The following SPINT1 variants were observed in gnomAD, a reference collection of about 807,000 sequenced individuals.
The protein encoded by SPINT1 is kunitz-type protease inhibitor 1.
SPINT1 carries 38 observed loss-of-function variants against 53.7 expected under a neutral mutation model. That is an observed-to-expected ratio of 0.71 (90% CI 0.55 to 0.93). The LOEUF (loss-of-function observed/expected upper bound fraction) is 0.93, where lower values mean the gene tolerates loss of function less well. Ranked by LOEUF, SPINT1 falls within the 40% of genes least tolerant of loss-of-function variation. The pLI, the probability that SPINT1 is intolerant of heterozygous loss-of-function variation, is 0.00. For missense variants in SPINT1, 645 were observed against 692.9 expected (o/e 0.93, Z 0.78); for synonymous variants, 283 against 280.6 (o/e 1.01, Z -0.08).
chr15:40,850,838 C>G (rs1394222219), intron 2 of SPINT1, among the ~76,000 whole-genome samples: 1 of 152,220 alleles, frequency 6.6e-6, no homozygotes, highest in African/African-American at 2.4e-5. Flanking sequence ...GGGAAAATAG[C>G]TGCTGCTCAG....
At chr15:40,855,385 C>CAAT (rs1029290505) in intron 8 of SPINT1, among the ~76,000 whole-genome samples, 12 of 151,456 alleles carry the variant, frequency 7.9e-5, no homozygotes, top group African/African-American at 2.9e-4. Flanking sequence ...TGTCTCAAAA[C>CAAT]AATAATAATA....
At chr15:40,847,517 A>C in intron 2 of SPINT1, among the ~76,000 whole-genome samples, 1 of 152,068 alleles carries the variant, frequency 6.6e-6, no homozygotes. Context: ...AGCAGCTTGC[A>C]CTTCCTCTTC....
chr15:40,854,773 G>C, intron 8 of SPINT1, 84 bp downstream of exon 8: 1 of 1,547,432 alleles, frequency 6.5e-7, no homozygotes, highest in East Asian at 2.2e-5. Flanking sequence ...TGCCTGAGGG[G>C]CCTGCTGGGT....
intron 10 of SPINT1, 78 bp downstream of exon 10, chr15:40,856,401 C>T (rs376232831): frequency 6.4e-7 from 1 of 1,570,714 alleles, no homozygotes; most frequent in Admixed American, 1.7e-5. Flanking sequence ...GTTGTGACAG[C>T]CTAACCTGTG....
Position 40,844,388 on chromosome 15 carries a change from G to T in SPINT1, c.-65-102G>T. ...GCCCTCTTCGATCCTGGGGTGCTCCGGTCCCTCCTCCCCGCCACTTCCTCC... is the reference window on the plus strand; with the variant it reads ...GCCCTCTTCGATCCTGGGGTGCTCCTGTCCCTCCTCCCCGCCACTTCCTCC... On this transcript the variant is annotated intron_variant, in intron 1 of 10. Coordinates refer to ENST00000562057, the MANE Select transcript of SPINT1 (RefSeq NM_003710.4). This position sits in a 1 kb window ranked among gnomAD's most constrained non-coding sequence, Gnocchi z 5.8. 1 of 769,082 alleles carries T rather than the reference G, an allele frequency of 1.3e-6. No individual in the cohort carries two copies. The highest frequency in any genetic ancestry group is 2.2e-6 in the Non-Finnish European group (1 of 449,888). 47.6% of individuals were successfully genotyped at this position (769,082 alleles called of 1,614,324 possible). A position where few individuals can be genotyped will look rare whatever the true frequency, so the allele number is the denominator to read the frequency against.
intron 3 of SPINT1, 89 bp from the exon 4 acceptor site, chr15:40,853,400 C>T (rs1040695325): frequency 6.2e-6 from 10 of 1,608,958 alleles, no homozygotes; most frequent in Non-Finnish European, 8.5e-6. Context: ...CCTGGCCTCC[C>T]CAGGGGTGTG....
At position 40,854,485 on chromosome 15, in the gene SPINT1, C is replaced by G; in HGVS notation, c.1029C>G (p.Asn343Lys). The change falls in exon 7 of 11, where the codon AAC becomes AAG. Residue 343 changes from asparagine (N) to lysine (K), a missense_variant. Physicochemically the swap from Asn to Lys is moderately conservative, Grantham distance 94. Transcript: ENST00000562057. ...DSFLECDDTP[N>K]CPDASDEAAC... is the part of the protein sequence containing the mutation. The stretch of plus-strand genomic sequence containing the variant: ...TCCTGGAGTGTGACGACACCCCCAA[C>G]TGCCCCGACGCCTCCGACGAGGCTG... The G allele has an allele frequency of 6.2e-7, 1 of 1,613,570 alleles. No homozygotes were observed. Among genetic ancestry groups the G allele is most frequent in the Non-Finnish European group, 8.5e-7 (1 of 1,179,908 alleles).
Position 40,857,059 on chromosome 15 carries a change from A to T in SPINT1, c.*84A>T, listed in dbSNP as rs1891669336. On this transcript the variant is annotated 3_prime_UTR_variant, in exon 11 of 11. Transcript: ENST00000562057. ...GGGCTGGGAAAAACTTTGGAACCAGACTCTTGCCTGTTTCCCAGGCCCACT... is the reference window on the plus strand; with the variant it reads ...GGGCTGGGAAAAACTTTGGAACCAGTCTCTTGCCTGTTTCCCAGGCCCACT... The T allele has an allele frequency of 3.3e-6, 5 of 1,533,378 alleles. 1 individual carries two copies. Among genetic ancestry groups the T allele is most frequent in the Middle Eastern group, 2.1e-4 (1 of 4,718 alleles). 95.0% of individuals were successfully genotyped at this position (1,533,378 alleles called of 1,614,324 possible). A position where few individuals can be genotyped will look rare whatever the true frequency, so the allele number is the denominator to read the frequency against.
chr15:40,850,361 G>T (rs114306054), intron 2 of SPINT1, among the ~76,000 whole-genome samples: 1 of 152,130 alleles, frequency 6.6e-6, no homozygotes, highest in Non-Finnish European at 1.5e-5. Context: ...GTGAGCCACC[G>T]CACCCGGCTG....
Position 40,857,099 on chromosome 15 carries a change from A to T in SPINT1, c.*124A>T, listed in dbSNP as rs1415712430. 1 of 1,277,712 alleles carries T rather than the reference A, an allele frequency of 7.8e-7. No individual in the cohort carries two copies. Among genetic ancestry groups the T allele is most frequent in the Non-Finnish European group, 1.1e-6 (1 of 935,326 alleles). 79.1% of individuals were successfully genotyped at this position (1,277,712 alleles called of 1,614,324 possible). On this transcript the variant is annotated 3_prime_UTR_variant, in exon 11 of 11. Transcript: ENST00000562057. ...CCAGGCCCACTGTGCCTCAGAGACC[A>T]GGGCTCCAGCCCCTCTTGGAGAAGT...
chr15:40,853,559 C>T lies in SPINT1; in HGVS notation c.674C>T (p.Thr225Ile). ...EGTYLFQLTV[T>I]SSDHPEDTAN... ...ACCTACCTGTTCCAGCTGACAGTGACTAGCTCAGACCACCCAGAGGACACG... is the reference window on the plus strand; with the variant it reads ...ACCTACCTGTTCCAGCTGACAGTGATTAGCTCAGACCACCCAGAGGACACG... Residue 225 changes from threonine (T) to isoleucine (I), a missense_variant, in exon 4 of 11, where the codon ACT (threonine) becomes ATT (isoleucine). Transcript: ENST00000562057. 1 of 1,614,106 alleles carries T rather than the reference C, an allele frequency of 6.2e-7. No homozygotes were observed. Among genetic ancestry groups the T allele is most frequent in the South Asian group, 1.1e-5 (1 of 91,082 alleles).
intron 6 of SPINT1, 112 bp downstream of exon 6, chr15:40,854,198 T>G: frequency 7.2e-7 from 1 of 1,394,684 alleles, no homozygotes; most frequent in South Asian, 1.4e-5. Flanking sequence ...CCTCAGAGTT[T>G]GTGGAAGGAC....
chr15:40,845,864 G>T (rs959327243), intron 2 of SPINT1, among the ~76,000 whole-genome samples: 2 of 152,212 alleles, frequency 1.3e-5, no homozygotes, highest in African/African-American at 4.8e-5. Context: ...GGCTGGACTT[G>T]GGACTGCTTA....
rs1891555868 is a variant in SPINT1, at chr15:40,854,144, C to T, written c.940+58C>T. ...CCACCACATCTCTAGCCCATATCAT[C>T]CCTATGCCCCTAAGCAGCCTGCCTT... On this transcript the variant is annotated intron_variant, in intron 6 of 10. Coordinates refer to ENST00000562057, the MANE Select transcript of SPINT1 (RefSeq NM_003710.4). 3 of 1,498,942 alleles carry T rather than the reference C, an allele frequency of 2.0e-6. No individual in the cohort carries two copies. The Admixed American group carries it at 6.8e-5, about 34-fold the overall frequency. The allele number at this position is 1,498,942 out of a possible 1,614,324, so 92.9% of individuals were successfully genotyped here. A position where few individuals can be genotyped will look rare whatever the true frequency, so the allele number is the denominator to read the frequency against.
chr15:40,846,752 T>C lies in SPINT1; in HGVS notation c.475+1723T>C, dbSNP rs76849037. On this transcript the variant is annotated intron_variant, in intron 2 of 10. Coordinates refer to ENST00000562057, the MANE Select transcript of SPINT1 (RefSeq NM_003710.4). ...CAGACTTTTCCTGGGCTAGTCTCTC[T>C]GCCAGGCTAAGGAGGGTCCTCTTTC... Among the ~76,000 whole-genome samples, 876 of 152,278 alleles carry C rather than the reference T, an allele frequency of 5.8e-3. 19 individuals are homozygous for C. The highest frequency in any genetic ancestry group is 0.02 in the African/African-American group (840 of 41,556).
chr15:40,853,869 C>T lies in SPINT1; in HGVS notation c.901C>T (p.Arg301Trp), dbSNP rs773349518. The T allele has an allele frequency of 1.7e-5, 28 of 1,614,036 alleles. No homozygotes were observed. The highest frequency in any genetic ancestry group is 4.4e-5 in the South Asian group (4 of 91,074). The change falls in exon 5 of 11, where the codon CGG (arginine) becomes TGG (tryptophan). Residue 301 changes from arginine to tryptophan, a missense_variant. By Grantham distance (101) the Arg-to-Trp change is moderately radical. Coordinates refer to ENST00000562057, the MANE Select transcript of SPINT1 (RefSeq NM_003710.4). ...LREEECILAC[R>W]GVQGPSMERR... ...GGAAGAAGAGTGCATTCTAGCCTGT[C>T]GGGGTGTGCAAGGTGGGCCTTTGAG...
rs570806857 is a variant in SPINT1 at position 40,853,722 on chromosome 15, G to A, written c.754G>A (p.Ala252Thr). 3.0e-5 allele frequency: 49 copies of A among 1,614,068 alleles called. 1 individual carries two copies. In the South Asian group the frequency reaches 3.4e-4, roughly 11 times the overall value. The change falls in exon 5 of 11, where the codon GCA (alanine) becomes ACA (threonine). Residue 252 changes from alanine (A) to threonine (T), a missense_variant. Coordinates refer to ENST00000562057, the MANE Select transcript of SPINT1 (RefSeq NM_003710.4). Reference protein sequence around the residue: ...STKQTEDYCLASNKVGRCRGS... With the variant: ...STKQTEDYCLTSNKVGRCRGS... ...GCTCTCCCCCCTAGACTACTGCCTCGCATCCAACAAGGTGGGTCGCTGCCG... is the reference window on the plus strand; with the variant it reads ...GCTCTCCCCCCTAGACTACTGCCTCACATCCAACAAGGTGGGTCGCTGCCG...
intron 3 of SPINT1, 49 bp downstream of exon 3, chr15:40,853,300 T>C (rs758358779): frequency 1.2e-6 from 2 of 1,612,154 alleles, no homozygotes. Flanking sequence ...GCCAGCCTTC[T>C]TGGAGCCCCT....
chr15:40,854,697 C>A lies in SPINT1; in HGVS notation c.1117+8C>A. 6.2e-7 allele frequency: 1 copy of A among 1,614,040 alleles called. No homozygotes were observed. Among genetic ancestry groups the A allele is most frequent in the East Asian group, 2.2e-5 (1 of 44,880 alleles). ...ATTTCCCCAGTGACAAAGGTGAGATCCTCCCCAGGTGCCCTGGATCAGGGC... is the reference window on the plus strand; with the variant it reads ...ATTTCCCCAGTGACAAAGGTGAGATACTCCCCAGGTGCCCTGGATCAGGGC... On this transcript the variant is annotated splice_region_variant and intron_variant, in intron 8 of 10. Coordinates refer to ENST00000562057, the MANE Select transcript of SPINT1 (RefSeq NM_003710.4).
Sources: gnomAD v4.1 joint callset for allele counts (sites outside exome capture counted in the v4.1 genomes callset) on GRCh38, gnomAD v4.1.1 for gene constraint, Gnocchi (gnomAD v3.1) non-coding constraint, MANE v1.5 for transcripts, NCBI Gene and HGNC (gene_info 2026-07-23, HGNC 2026-07-21) for gene names.